The following FOCAD variants were observed in gnomAD, a reference collection of about 807,000 sequenced individuals.
FOCAD encodes the protein focadhesin, also known as KIAA1797.
In FOCAD, 198 loss-of-function variants were observed where a neutral mutation model predicts 225.6. The ratio of observed to expected loss-of-function variants is 0.88; its 90% confidence interval spans 0.78 to 0.99. FOCAD has a LOEUF of 0.99. FOCAD is among the 50% of genes least tolerant of loss of function. FOCAD has a pLI of 0.00. For missense variants in FOCAD, 2,713 were observed against 2,123.6 expected (o/e 1.28, Z -5.46); for synonymous variants, 897 against 755.0 (o/e 1.19, Z -3.08).
intron 22 of FOCAD, among the ~76,000 whole-genome samples, chr9:20,908,756 A>G (rs1353997275): frequency 6.6e-6 from 1 of 152,118 alleles, no homozygotes; most frequent in Non-Finnish European, 1.5e-5. Context: ...TTAGTCAGGA[A>G]ACATAAGATT....
At chr9:20,865,826 T>A (rs1829180067) in intron 16 of FOCAD, 100 bp from the exon 17 acceptor site, 2 of 776,084 alleles carry the variant, frequency 2.6e-6, no homozygotes, top group Admixed American at 3.0e-5. Flanking sequence ...TGGTGTTACT[T>A]TAAAAGTGAC....
At chr9:20,790,541 G>A (rs1239122859) in intron 11 of FOCAD, among the ~76,000 whole-genome samples, 1 of 152,204 alleles carries the variant, frequency 6.6e-6, no homozygotes, top group Non-Finnish European at 1.5e-5. Context: ...GAAGGCTGAG[G>A]TGGGCAGATC....
intron 35 of FOCAD, among the ~76,000 whole-genome samples, chr9:20,971,472 T>C (rs1839758674): frequency 6.6e-6 from 1 of 151,974 alleles, no homozygotes; most frequent in Admixed American, 6.6e-5. Context: ...AGAGTTTTGC[T>C]CCTGTTGCTT....
chr9:20,710,767 A>T (rs1009558186), intron 1 of FOCAD, among the ~76,000 whole-genome samples: 2 of 152,184 alleles, frequency 1.3e-5, no homozygotes, highest in Non-Finnish European at 2.9e-5. Flanking sequence ...CTTACCTTTT[A>T]GATTATAAAA....
intron 15 of FOCAD, among the ~76,000 whole-genome samples, chr9:20,849,827 T>C (rs573434339): frequency 1.7e-4 from 26 of 151,992 alleles, no homozygotes; most frequent in Admixed American, 9.2e-4. Flanking sequence ...CATAATTGCC[T>C]CCTTTCTACT....
At chr9:20,855,385 G>A (rs369170050) in intron 15 of FOCAD, among the ~76,000 whole-genome samples, 24 of 151,622 alleles carry the variant, frequency 1.6e-4, no homozygotes, top group South Asian at 1.2e-3. Context: ...TGAAAGCCAT[G>A]TTAAGTGTTT....
intron 29 of FOCAD, among the ~76,000 whole-genome samples, chr9:20,946,461 T>G (rs895133626): frequency 3.9e-5 from 6 of 152,314 alleles, no homozygotes; most frequent in African/African-American, 1.4e-4. Context: ...ACTTGCTAGC[T>G]ACATGAAATT....
chr9:20,764,776 G>T, intron 6 of FOCAD, 93 bp from the exon 7 acceptor site: 2 of 932,150 alleles, frequency 2.1e-6, no homozygotes, highest in Non-Finnish European at 1.7e-6. Flanking sequence ...GGTAGATTAT[G>T]TTATGTCATG....
At chr9:20,871,203 C>CA (rs557520356) in intron 18 of FOCAD, among the ~76,000 whole-genome samples, 1,788 of 143,336 alleles carry the variant, frequency 0.012, 31 homozygotes, top group African/African-American at 0.039. Context: ...GACTCTGTCT[C>CA]AAAAAAAAAA....
intron 1 of FOCAD, among the ~76,000 whole-genome samples, chr9:20,697,818 A>C (rs993975158): frequency 6.6e-6 from 1 of 152,230 alleles, no homozygotes; most frequent in African/African-American, 2.4e-5. Context: ...AGACTGGAGG[A>C]TGTTGAACAC....
intron 37 of FOCAD, among the ~76,000 whole-genome samples, chr9:20,979,068 T>A (rs895117101): frequency 6.6e-6 from 1 of 152,226 alleles, no homozygotes; most frequent in Non-Finnish European, 1.5e-5. Context: ...CAAGGGCAGA[T>A]AGGAAGAATA....
intron 1 of FOCAD, among the ~76,000 whole-genome samples, chr9:20,698,923 A>C (rs567792161): frequency 2.6e-5 from 4 of 152,296 alleles, no homozygotes; most frequent in African/African-American, 9.6e-5. Flanking sequence ...ATAGAACTTG[A>C]AGGATGTATG....
At chr9:20,866,362 T>G (rs1456635104) in intron 17 of FOCAD, among the ~76,000 whole-genome samples, 2 of 152,018 alleles carry the variant, frequency 1.3e-5, no homozygotes, top group African/African-American at 4.8e-5. Flanking sequence ...ATATAGAGAC[T>G]GCTGGTGATG....
intron 35 of FOCAD, among the ~76,000 whole-genome samples, chr9:20,971,684 A>G (rs1231214453): frequency 1.3e-5 from 2 of 152,160 alleles, no homozygotes; most frequent in East Asian, 3.8e-4. Flanking sequence ...TCATATTGTT[A>G]TGAAACAGTT....
chr9:20,658,560 CCTTT>C (rs1821597865), intron 1 of FOCAD: 1 of 154,426 alleles, frequency 6.5e-6, no homozygotes, highest in South Asian at 2.0e-4. Flanking sequence ...GTCTGTCACC[CCTTT>C]CTTTGACTCG....
intron 37 of FOCAD, 129 bp from the exon 38 acceptor site, chr9:20,981,297 G>A: frequency 9.2e-7 from 1 of 1,082,512 alleles, no homozygotes; most frequent in Non-Finnish European, 1.3e-6. Flanking sequence ...GGAAAATGAA[G>A]GGGGAAGGAA....
At position 20,898,623 on chromosome 9, in the gene FOCAD, A is replaced by G. The variant is rs1006706556; in HGVS notation, c.2626-8527A>G. 1.3e-4 allele frequency among the ~76,000 whole-genome samples: 19 copies of G among 151,814 alleles called. 1 individual carries two copies. Among genetic ancestry groups the G allele is most frequent in the African/African-American group, 7.3e-5 (3 of 41,368 alleles). ...GCTTACATTGTTAATTTGTTCTTGC[A>G]TATTGTCTTTATTATCTTTTATGGC... is the stretch of plus-strand genomic sequence containing the variant. On this transcript the variant is annotated intron_variant, in intron 21 of 43. Coordinates refer to ENST00000338382, the MANE Select transcript of FOCAD (RefSeq NM_001375567.1).
At chr9:20,826,584 C>T (rs1485585545) in intron 15 of FOCAD, among the ~76,000 whole-genome samples, 1 of 152,034 alleles carries the variant, frequency 6.6e-6, no homozygotes, top group African/African-American at 2.4e-5. Flanking sequence ...AATAAACTTC[C>T]CTTCATACAT....
chr9:20,679,005 A>G (rs1228926999), intron 2 of FOCAD, among the ~76,000 whole-genome samples: 2 of 152,188 alleles, frequency 1.3e-5, no homozygotes, highest in Admixed American at 1.3e-4. Flanking sequence ...TGATGGAATG[A>G]GTCACAAAGA....
Sources: allele counts gnomAD v4.1 joint callset (sites outside exome capture counted in the v4.1 genomes callset), GRCh38; gene constraint gnomAD v4.1.1; transcripts MANE v1.5; gene names NCBI Gene and HGNC (gene_info 2026-07-23, HGNC 2026-07-21).